The following CNTNAP2 variants were observed in gnomAD, a reference collection of about 807,000 sequenced individuals.
CNTNAP2 encodes the protein contactin-associated protein-like 2.
In CNTNAP2, 98 loss-of-function variants were observed where a neutral mutation model predicts 155.2. That is an observed-to-expected ratio of 0.63 (90% CI 0.54 to 0.75). CNTNAP2 has a LOEUF of 0.75. Among genes scored for constraint, CNTNAP2 ranks in the 30% least tolerant of loss-of-function variants. The pLI is 0.00. For synonymous variants in CNTNAP2, 651 were observed against 631.2 expected (o/e 1.03, Z -0.47); for missense variants, 1,727 against 1,688.1 (o/e 1.02, Z -0.40).
intron 8 of CNTNAP2, among the ~76,000 whole-genome samples, chr7:147,188,223 TAAAC>T (rs1802607359): frequency 6.6e-6 from 1 of 152,156 alleles, no homozygotes; most frequent in Non-Finnish European, 1.5e-5. Flanking sequence ...GAGTTTAACA[TAAAC>T]AACATGGGTT....
chr7:148,141,344 G>C (rs1450786828), intron 16 of CNTNAP2, among the ~76,000 whole-genome samples: 1 of 152,224 alleles, frequency 6.6e-6, no homozygotes, highest in Non-Finnish European at 1.5e-5. Flanking sequence ...AGCTACATTT[G>C]TTTTAAACAG....
intron 6 of CNTNAP2, chr7:147,121,669 C>G (rs527959167): frequency 6.5e-6 from 1 of 153,672 alleles, no homozygotes; most frequent in African/African-American, 2.4e-5. Flanking sequence ...AAGTAAAATA[C>G]AGACTATTTT....
At chr7:146,247,117 T>C (rs1799672993) in intron 1 of CNTNAP2, among the ~76,000 whole-genome samples, 3 of 152,176 alleles carry the variant, frequency 2.0e-5, no homozygotes, top group African/African-American at 4.8e-5. Flanking sequence ...CCTTTTGACC[T>C]TTCAGGGTCT....
chr7:146,143,015 A>G (rs1797902223), intron 1 of CNTNAP2, among the ~76,000 whole-genome samples: 1 of 152,186 alleles, frequency 6.6e-6, no homozygotes, highest in Admixed American at 6.5e-5. Flanking sequence ...GAATAAATAA[A>G]ATCAAGCCTC....
intron 6 of CNTNAP2, chr7:147,122,293 A>G (rs750972532): frequency 2.6e-5 from 4 of 152,262 alleles, no homozygotes; most frequent in Non-Finnish European, 5.9e-5. Context: ...CAATGCTATT[A>G]CTTAGCCAGA....
At chr7:146,641,084 T>C (rs183698227) in intron 1 of CNTNAP2, among the ~76,000 whole-genome samples, 210 of 152,244 alleles carry the variant, frequency 1.4e-3, no homozygotes, top group Non-Finnish European at 2.2e-3. Context: ...CCCAGCACTT[T>C]GGGAGGCTGA....
At chr7:146,531,239 G>C (rs1014590352) in intron 1 of CNTNAP2, among the ~76,000 whole-genome samples, 4 of 152,096 alleles carry the variant, frequency 2.6e-5, no homozygotes, top group Non-Finnish European at 5.9e-5. Context: ...GGAGGGAGGA[G>C]CATAAGGATT....
chr7:146,955,095 C>T (rs1791448785), intron 3 of CNTNAP2, among the ~76,000 whole-genome samples: 2 of 151,746 alleles, frequency 1.3e-5, no homozygotes, highest in Non-Finnish European at 2.9e-5. Flanking sequence ...AATTTTTTGC[C>T]CTGACAAAAT....
intron 1 of CNTNAP2, among the ~76,000 whole-genome samples, chr7:146,566,768 A>G (rs1798363992): frequency 6.6e-6 from 1 of 152,238 alleles, no homozygotes; most frequent in South Asian, 2.1e-4. Context: ...TACAAGATTT[A>G]CAAGTAACCT....
chr7:146,651,406 T>C (rs1360082143), intron 1 of CNTNAP2, among the ~76,000 whole-genome samples: 1 of 152,162 alleles, frequency 6.6e-6, no homozygotes, highest in Non-Finnish European at 1.5e-5. Flanking sequence ...CTAACTAAAA[T>C]GTATAAATGC....
chr7:146,980,600 G>C (rs1330255125), intron 3 of CNTNAP2, among the ~76,000 whole-genome samples: 1 of 152,152 alleles, frequency 6.6e-6, no homozygotes, highest in East Asian at 1.9e-4. Context: ...ATGTCCTCAA[G>C]TAGTTTCCAG....
At chr7:146,758,950 T>C (rs1802038332) in intron 1 of CNTNAP2, among the ~76,000 whole-genome samples, 2 of 152,156 alleles carry the variant, frequency 1.3e-5, no homozygotes. Context: ...GCACTATCAA[T>C]TTGCTACTTA....
intron 21 of CNTNAP2, among the ~76,000 whole-genome samples, chr7:148,347,864 G>A (rs2116592509): frequency 6.6e-6 from 1 of 152,330 alleles, no homozygotes; most frequent in African/African-American, 2.4e-5. Flanking sequence ...AATCTTTACA[G>A]CTGGAGTTGC....
At chr7:147,895,251 G>A (rs1397745342) in intron 13 of CNTNAP2, among the ~76,000 whole-genome samples, 1 of 151,948 alleles carries the variant, frequency 6.6e-6, no homozygotes, top group Admixed American at 6.6e-5. Context: ...TGGGACTACA[G>A]GCGTGAGCCA....
chr7:146,628,388 T>C (rs1239364048), intron 1 of CNTNAP2, among the ~76,000 whole-genome samples: 2 of 152,128 alleles, frequency 1.3e-5, no homozygotes, highest in Non-Finnish European at 2.9e-5. Context: ...GATCAAATGA[T>C]ATAATATTTT....
intron 1 of CNTNAP2, among the ~76,000 whole-genome samples, chr7:146,387,650 A>G (rs1159216541): frequency 1.3e-5 from 2 of 152,144 alleles, no homozygotes; most frequent in Non-Finnish European, 2.9e-5. Flanking sequence ...TGCATAGTAG[A>G]TGGGACTTAA....
At chr7:146,913,099 C>A (rs1452143029) in intron 3 of CNTNAP2, among the ~76,000 whole-genome samples, 1 of 152,048 alleles carries the variant, frequency 6.6e-6, no homozygotes, top group Non-Finnish European at 1.5e-5. Context: ...GATAAATCAG[C>A]AAAGTTTCAT....
rs150338403 is a variant in CNTNAP2 at position 146,855,607 on chromosome 7, TAAGA to T, written c.402+15709_402+15712del. ...CGTTTATTGTATGTTAACTTTTGTT[TAAGA>T]AAGAAGAAATGAGGAAACGTATATA... On this transcript the variant is annotated intron_variant, in intron 3 of 23. Transcript: ENST00000361727. Among the ~76,000 whole-genome samples the T allele has an allele frequency of 8.2e-3, 1,245 of 151,912 alleles. 10 individuals carry two copies. Among genetic ancestry groups the T allele is most frequent in the African/African-American group, 0.029 (1,182 of 41,466 alleles).
At chr7:146,513,976 T>A (rs926958244) in intron 1 of CNTNAP2, among the ~76,000 whole-genome samples, 2 of 152,046 alleles carry the variant, frequency 1.3e-5, no homozygotes, top group Non-Finnish European at 2.9e-5. Context: ...GTTTAGCAAG[T>A]TTTTTACTTC....
Sources: gnomAD v4.1 joint callset for allele counts (sites outside exome capture counted in the v4.1 genomes callset) on GRCh38, gnomAD v4.1.1 for gene constraint, MANE v1.5 for transcripts, NCBI Gene and HGNC (gene_info 2026-07-23, HGNC 2026-07-21) for gene names.